SH3RF3: variants seen among roughly 807,000 people sequenced by gnomAD.
SH3RF3 encodes the protein E3 ubiquitin-protein ligase SH3RF3.
Under a neutral mutation model 66.3 loss-of-function variants are expected in SH3RF3, and 29 were observed. The ratio of observed to expected loss-of-function variants is 0.44; its 90% CI spans 0.33 to 0.60. The LOEUF (loss-of-function observed/expected upper bound fraction) is 0.60, where lower values mean the gene tolerates loss of function less well. Among genes scored for constraint, SH3RF3 ranks in the 20% least tolerant of loss-of-function variants. The probability of loss-of-function intolerance (pLI) is 0.04; values close to 1 mark genes in which losing one functional copy is unlikely to be tolerated. For synonymous variants in SH3RF3, 583 were observed against 532.0 expected (o/e 1.10, Z -1.32); for missense variants, 1,194 against 1,190.9 (o/e 1.00, Z -0.04).
intron 4 of SH3RF3, among the ~76,000 whole-genome samples, chr2:109,418,256 G>C (rs922866599): frequency 6.6e-6 from 1 of 152,140 alleles, no homozygotes; most frequent in Non-Finnish European, 1.5e-5. Flanking sequence ...TCCTTGAAGG[G>C]AGGTGGACCC....
chr2:109,426,854 A>G (rs1339357675), intron 5 of SH3RF3, among the ~76,000 whole-genome samples: 1 of 152,114 alleles, frequency 6.6e-6, no homozygotes, highest in Non-Finnish European at 1.5e-5. Flanking sequence ...TTTAGCCACC[A>G]CCACCCTGAG....
At chr2:109,375,656 A>G (rs1360036098) in intron 3 of SH3RF3, among the ~76,000 whole-genome samples, 2 of 152,244 alleles carry the variant, frequency 1.3e-5, no homozygotes, top group African/African-American at 2.4e-5. Context: ...GTGAACTCAC[A>G]GGAGGATGGC....
At chr2:109,224,181 C>A (rs2105160040) in intron 1 of SH3RF3, among the ~76,000 whole-genome samples, 1 of 152,058 alleles carries the variant, frequency 6.6e-6, no homozygotes, top group Non-Finnish European at 1.5e-5. Flanking sequence ...TGTGCATGTG[C>A]AAATGGAGGG....
At chr2:109,442,619 T>C (rs979227932) in intron 7 of SH3RF3, among the ~76,000 whole-genome samples, 1 of 152,190 alleles carries the variant, frequency 6.6e-6, no homozygotes, top group Admixed American at 6.5e-5. Flanking sequence ...TATACTACTG[T>C]AACATTCTTA....
chr2:109,235,238 C>A (rs774718454), intron 1 of SH3RF3, among the ~76,000 whole-genome samples: 3 of 152,136 alleles, frequency 2.0e-5, no homozygotes, highest in Non-Finnish European at 4.4e-5. Context: ...ATAGATCAAC[C>A]CTGAATAGTT....
intron 1 of SH3RF3, among the ~76,000 whole-genome samples, chr2:109,228,913 C>T (rs1471429801): frequency 6.6e-6 from 1 of 152,208 alleles, no homozygotes; most frequent in Non-Finnish European, 1.5e-5. Context: ...CCTCTGCCCT[C>T]TTTGGAGGAT....
intron 5 of SH3RF3, among the ~76,000 whole-genome samples, chr2:109,424,843 T>G (rs938672077): frequency 2.0e-5 from 3 of 152,212 alleles, no homozygotes; most frequent in Admixed American, 2.0e-4. Context: ...TAACGCTAAG[T>G]GACCTCTAAG....
At chr2:109,326,523 T>A (rs1389252563) in intron 1 of SH3RF3, among the ~76,000 whole-genome samples, 1 of 152,210 alleles carries the variant, frequency 6.6e-6, no homozygotes, top group Non-Finnish European at 1.5e-5. Flanking sequence ...GCCAGACTTT[T>A]AAATTTTTGC....
chr2:109,265,549 C>A (rs149054701), intron 1 of SH3RF3, among the ~76,000 whole-genome samples: 1 of 152,182 alleles, frequency 6.6e-6, no homozygotes, highest in Admixed American at 6.5e-5. Context: ...TCCCTGCAAG[C>A]CCAGGTCTCC....
intron 1 of SH3RF3, among the ~76,000 whole-genome samples, chr2:109,195,833 G>A (rs987316914): frequency 2.6e-5 from 4 of 152,044 alleles, no homozygotes; most frequent in Admixed American, 1.3e-4. Flanking sequence ...GATTTGTGTC[G>A]CCTGATCCCG....
chr2:109,410,179 A>G (rs1676551769), intron 4 of SH3RF3, among the ~76,000 whole-genome samples: 1 of 152,234 alleles, frequency 6.6e-6, no homozygotes, highest in African/African-American at 2.4e-5. Flanking sequence ...AACCGCGGCC[A>G]CAGCACTGCA....
intron 2 of SH3RF3, among the ~76,000 whole-genome samples, chr2:109,365,726 T>C (rs1374556021): frequency 6.6e-6 from 1 of 152,244 alleles, no homozygotes; most frequent in Non-Finnish European, 1.5e-5. Flanking sequence ...GGAACATTTA[T>C]GTTATTTAGT....
chr2:109,157,086 C>T (rs575600347), intron 1 of SH3RF3, among the ~76,000 whole-genome samples: 1 of 152,282 alleles, frequency 6.6e-6, no homozygotes, highest in Non-Finnish European at 1.5e-5. Flanking sequence ...ACACAGGTGG[C>T]TCCAGGCTCA....
At chr2:109,354,234 C>T (rs528650034) in intron 2 of SH3RF3, among the ~76,000 whole-genome samples, 86 of 152,312 alleles carry the variant, frequency 5.6e-4, no homozygotes, top group African/African-American at 2.0e-3. Context: ...GTGCCGCCAA[C>T]GGATACTGCC....
intron 3 of SH3RF3, among the ~76,000 whole-genome samples, chr2:109,372,993 A>G (rs1683307758): frequency 6.6e-6 from 1 of 152,166 alleles, no homozygotes. Context: ...TCCATAGTCT[A>G]TTTTGCAGCC....
intron 2 of SH3RF3, among the ~76,000 whole-genome samples, chr2:109,361,374 T>C (rs1683047903): frequency 6.6e-6 from 1 of 152,248 alleles, no homozygotes; most frequent in African/African-American, 2.4e-5. Flanking sequence ...ATTGAGATTG[T>C]AGAGAATTGG....
chr2:109,258,438 GGTATTGGA>G (rs1447392221), intron 1 of SH3RF3, among the ~76,000 whole-genome samples: 2 of 152,126 alleles, frequency 1.3e-5, no homozygotes. Flanking sequence ...TCACCTCCTG[GGTATTGGA>G]GGCTTCCTCG....
chr2:109,186,467 G>A (rs1035702482), intron 1 of SH3RF3, among the ~76,000 whole-genome samples: 11 of 152,248 alleles, frequency 7.2e-5, no homozygotes, highest in African/African-American at 1.2e-4. Context: ...TGGACCACCC[G>A]TGGGAGTTCA....
At chr2:109,286,475 AGTCC>A (rs908416603) in intron 1 of SH3RF3, among the ~76,000 whole-genome samples, 1 of 152,182 alleles carries the variant, frequency 6.6e-6, no homozygotes, top group African/African-American at 2.4e-5. Context: ...GCTGCACCAC[AGTCC>A]CGCACAAGGC....
Sources: allele counts gnomAD v4.1 joint callset (sites outside exome capture counted in the v4.1 genomes callset), GRCh38; gene constraint gnomAD v4.1.1; transcripts MANE v1.5; gene names NCBI Gene and HGNC (gene_info 2026-07-23, HGNC 2026-07-21).